The following DAZAP1 variants were observed in gnomAD, a reference collection of about 807,000 sequenced individuals.
DAZAP1 encodes the protein DAZ-associated protein 1.
In DAZAP1, 6 loss-of-function variants were observed where a neutral mutation model predicts 60.1. The observed-to-expected ratio is 0.10, with a 90% CI of 0.05 to 0.20. The LOEUF (loss-of-function observed/expected upper bound fraction) is 0.20. Ranked by LOEUF, DAZAP1 falls within the 10% of genes least tolerant of loss-of-function variation. DAZAP1 has a pLI of 1.00. For missense variants in DAZAP1, 366 were observed against 560.4 expected (o/e 0.65, Z 3.50); for synonymous variants, 235 against 215.9 (o/e 1.09, Z -0.78).
At position 1,428,541 on chromosome 19, in the gene DAZAP1, C is replaced by T. The variant is rs1466723251; in HGVS notation, c.547-301C>T. 3 of 302,672 alleles carry T rather than the reference C, an allele frequency of 9.9e-6. No homozygotes were observed. Among genetic ancestry groups the T allele is most frequent in the East Asian group, 1.4e-4 (2 of 14,150 alleles). 18.7% of individuals were successfully genotyped at this position (302,672 alleles called of 1,614,324 possible). On this transcript the variant is annotated intron_variant, in intron 7 of 11. Transcript: ENST00000233078. The surrounding 1 kb of genome is among the most constrained non-coding windows in gnomAD (Gnocchi z 4.0). ...CATTTTACTTGAGTGAAAGACCCTT[C>T]GTCACGCACGAAACCCCCGAGGGCT...
chr19:1,428,696 C>G lies in DAZAP1; in HGVS notation c.547-146C>G. Reference sequence around the variant, plus strand: ...AGAATTTTTTAAGAAAAAAATGCTACTGGCCTAAATAAGGTTTATAGTTAA... The same window carrying G: ...AGAATTTTTTAAGAAAAAAATGCTAGTGGCCTAAATAAGGTTTATAGTTAA... On this transcript the variant is annotated intron_variant, in intron 7 of 11. Transcript: ENST00000233078. The surrounding 1 kb of genome is among the most constrained non-coding windows in gnomAD (Gnocchi z 4.0). 1.0e-6 allele frequency: 1 copy of G among 984,208 alleles called. No individual in the cohort carries two copies. Among genetic ancestry groups the G allele is most frequent in the South Asian group, 1.8e-5 (1 of 55,216 alleles). The allele number at this position is 984,208 out of a possible 1,614,324, so 61.0% of individuals were successfully genotyped here.
intron 1 of DAZAP1, among the ~76,000 whole-genome samples, chr19:1,414,055 G>A (rs1261716245): frequency 6.9e-6 from 1 of 144,262 alleles, no homozygotes; most frequent in East Asian, 2.1e-4. Flanking sequence ...TCACTCTGTC[G>A]CCCAGGCTGG....
At position 1,422,494 on chromosome 19, in the gene DAZAP1, C is replaced by A; in HGVS notation, c.463+98C>A. The A allele has an allele frequency of 1.7e-6, 2 of 1,152,190 alleles. No individual in the cohort carries two copies. The highest frequency in any genetic ancestry group is 1.3e-6 in the Non-Finnish European group (1 of 777,642). 71.4% of individuals were successfully genotyped at this position (1,152,190 alleles called of 1,614,324 possible). A position where few individuals can be genotyped will look rare whatever the true frequency, so the allele number is the denominator to read the frequency against. On this transcript the variant is annotated intron_variant, in intron 6 of 11. Coordinates refer to ENST00000233078, the MANE Select transcript of DAZAP1 (RefSeq NM_018959.4). The surrounding 1 kb of genome is among the most constrained non-coding windows in gnomAD (Gnocchi z 4.5). ...AGGCACACACAGGTGGCGGCTGTAG[C>A]AAACAGCCTCAGGAAGGGACGATTT...
Position 1,433,797 on chromosome 19 carries a change from T to TA in DAZAP1, c.1049-939dup. 1 of 1,613,984 alleles carries TA rather than the reference T, an allele frequency of 6.2e-7. No homozygotes were observed. On this transcript the variant is annotated intron_variant, in intron 11 of 11. Coordinates refer to ENST00000233078, the MANE Select transcript of DAZAP1 (RefSeq NM_018959.4). The surrounding 1 kb of genome is among the most constrained non-coding windows in gnomAD (Gnocchi z 6.1). ...GCGGCCCACACTTTGTTTACAGTCT[T>TA]ATGGTCAGGCTGAGCAGTGATGTGG...
At position 1,422,322 on chromosome 19, in the gene DAZAP1, G is replaced by A. The variant is rs186006138; in HGVS notation, c.415-26G>A. The A allele has an allele frequency of 9.4e-5, 152 of 1,612,908 alleles. 1 individual carries two copies. Among genetic ancestry groups the A allele is most frequent in the Admixed American group, 3.7e-4 (22 of 60,006 alleles). ...ACCTGTGGTGCTGGCCCTGGTGTCC[G>A]TGCTGACGCCACCCTCTCCTTCCAG... On this transcript the variant is annotated intron_variant, in intron 5 of 11. Coordinates refer to ENST00000233078, the MANE Select transcript of DAZAP1 (RefSeq NM_018959.4). This position sits in a 1 kb window ranked among gnomAD's most constrained non-coding sequence, Gnocchi z 4.5.
chr19:1,434,081 A>G lies in DAZAP1; in HGVS notation c.1049-656A>G, dbSNP rs2083529924. Reference sequence around the variant, plus strand: ...GGGAGGGGCTTCCTGCAAGGTGTGCAGCGGGGTGGGGAGCGGCGTGAGCAG... The same window carrying G: ...GGGAGGGGCTTCCTGCAAGGTGTGCGGCGGGGTGGGGAGCGGCGTGAGCAG... On this transcript the variant is annotated intron_variant, in intron 11 of 11. Coordinates refer to ENST00000233078, the MANE Select transcript of DAZAP1 (RefSeq NM_018959.4). This position sits in a 1 kb window ranked among gnomAD's most constrained non-coding sequence, Gnocchi z 8.0. 30 of 545,066 alleles carry G rather than the reference A, an allele frequency of 5.5e-5. No individual in the cohort carries two copies. In the South Asian group the frequency reaches 6.2e-4, roughly 11 times the overall value. The allele number at this position is 545,066 out of a possible 1,614,324, so 33.8% of individuals were successfully genotyped here. A position where few individuals can be genotyped will look rare whatever the true frequency, so the allele number is the denominator to read the frequency against.
At chr19:1,424,814 C>T (rs1264200440) in intron 6 of DAZAP1, among the ~76,000 whole-genome samples, 1 of 152,212 alleles carries the variant, frequency 6.6e-6, no homozygotes, top group Non-Finnish European at 1.5e-5. Context: ...CAGCTGTCTG[C>T]CGGGCACTTC....
chr19:1,423,731 C>T lies in DAZAP1; in HGVS notation c.463+1335C>T, dbSNP rs1325433529. On this transcript the variant is annotated intron_variant, in intron 6 of 11. Coordinates refer to ENST00000233078, the MANE Select transcript of DAZAP1 (RefSeq NM_018959.4). This position sits in a 1 kb window ranked among gnomAD's most constrained non-coding sequence, Gnocchi z 6.8. ...TCACCGATGCTGTGTTCCAATACTGCCTCTGATCTTGGGAAACTTGAGCGC... is the reference window on the plus strand; with the variant it reads ...TCACCGATGCTGTGTTCCAATACTGTCTCTGATCTTGGGAAACTTGAGCGC... 6.6e-6 allele frequency among the ~76,000 whole-genome samples: 1 copy of T among 152,254 alleles called. No homozygotes were observed. The highest frequency in any genetic ancestry group is 2.4e-5 in the African/African-American group (1 of 41,466).
rs544311974 is a variant in DAZAP1, at chr19:1,426,061, C to T, written c.546+101C>T. On this transcript the variant is annotated intron_variant, in intron 7 of 11. Coordinates refer to ENST00000233078, the MANE Select transcript of DAZAP1 (RefSeq NM_018959.4). The surrounding 1 kb of genome is among the most constrained non-coding windows in gnomAD (Gnocchi z 5.4). ...ACATTCCTTCACGGAAAGGGTCGGG[C>T]GAGTTCGTCCTGTGAACCTTTGCTG... The T allele has an allele frequency of 7.3e-5, 65 of 892,548 alleles. No homozygotes were observed. The highest frequency in any genetic ancestry group is 1.7e-5 in the Admixed American group (1 of 57,982). 55.3% of individuals were successfully genotyped at this position (892,548 alleles called of 1,614,324 possible). A position where few individuals can be genotyped will look rare whatever the true frequency, so the allele number is the denominator to read the frequency against.
At chr19:1,412,923 C>A (rs987441754) in intron 1 of DAZAP1, among the ~76,000 whole-genome samples, 3 of 152,188 alleles carry the variant, frequency 2.0e-5, no homozygotes, top group African/African-American at 7.2e-5. Context: ...GAGCTCGTCC[C>A]ACGCCTCCCC....
intron 1 of DAZAP1, among the ~76,000 whole-genome samples, chr19:1,410,848 C>T (rs1012355083): frequency 3.9e-5 from 6 of 152,164 alleles, no homozygotes; most frequent in African/African-American, 1.4e-4. Context: ...ACAGGGACAC[C>T]TGGAAATATT....
chr19:1,417,202 G>A, intron 1 of DAZAP1: 1 of 466,248 alleles, frequency 2.1e-6, no homozygotes, highest in Non-Finnish European at 3.8e-6. Context: ...AGGTGAGCGT[G>A]GTGCCGTCAC....
intron 6 of DAZAP1, among the ~76,000 whole-genome samples, chr19:1,424,665 T>G (rs2083261644): frequency 1.3e-5 from 2 of 152,032 alleles, no homozygotes; most frequent in Non-Finnish European, 2.9e-5. Context: ...GCCGCGCTCG[T>G]TCACGCCTCA....
At chr19:1,415,546 G>A (rs866109508) in intron 1 of DAZAP1, among the ~76,000 whole-genome samples, 4 of 151,968 alleles carry the variant, frequency 2.6e-5, no homozygotes, top group Admixed American at 2.0e-4. Flanking sequence ...GGGCCCTGCT[G>A]GCAGGGATGT....
chr19:1,431,519 T>C (rs2083452161), intron 10 of DAZAP1, among the ~76,000 whole-genome samples: 1 of 151,958 alleles, frequency 6.6e-6, no homozygotes, highest in Admixed American at 6.6e-5. Flanking sequence ...AACCTCTGCC[T>C]CCTGGGTTCA....
chr19:1,429,052 G>A lies in DAZAP1; in HGVS notation c.700+57G>A, dbSNP rs960671889. On this transcript the variant is annotated intron_variant, in intron 8 of 11. Transcript: ENST00000233078. ...GTCCCCCTTCTCGGACTTGGCCCGC[G>A]CGCCCTGGGCTGTGCCGTCGCTGCG... 2.1e-5 allele frequency: 31 copies of A among 1,500,902 alleles called. No homozygotes were observed. In the East Asian group the frequency reaches 2.4e-4, roughly 12 times the overall value. The allele number at this position is 1,500,902 out of a possible 1,614,324, so 93.0% of individuals were successfully genotyped here.
At chr19:1,427,516 G>A (rs1330675688) in intron 7 of DAZAP1, 2 of 152,264 alleles carry the variant, frequency 1.3e-5, no homozygotes, top group African/African-American at 4.8e-5. Context: ...GGTACCGCGT[G>A]GTAGTTAACC....
At position 1,430,254 on chromosome 19, in the gene DAZAP1, G is replaced by GGGCCCCCCCCCCCCCCCCCCC; in HGVS notation, c.763_764insGGCCCCCCCCCCCCCCCCCCC (p.Ala255delinsGlyProProProProProProPro). 1 of 1,295,270 alleles carries GGGCCCCCCCCCCCCCCCCCCC rather than the reference G, an allele frequency of 7.7e-7. No individual in the cohort carries two copies. Among genetic ancestry groups the GGGCCCCCCCCCCCCCCCCCCC allele is most frequent in the Non-Finnish European group, 1.1e-6 (1 of 924,078 alleles). The allele number at this position is 1,295,270 out of a possible 1,614,324, so 80.2% of individuals were successfully genotyped here. A position where few individuals can be genotyped will look rare whatever the true frequency, so the allele number is the denominator to read the frequency against. On this transcript the variant is annotated protein_altering_variant, in exon 10 of 12. Coordinates refer to ENST00000233078, the MANE Select transcript of DAZAP1 (RefSeq NM_018959.4). The stretch of plus-strand genomic sequence containing the variant: ...TGGACCGCCCCCTGCAGGAAGAGGA[G>GGGCCCCCCCCCCCCCCCCCCC]CCCCCCCGCCACCCCCACCGTTCAC...
At position 1,432,636 on chromosome 19, in the gene DAZAP1, C is replaced by G; in HGVS notation, c.994C>G (p.Pro332Ala). The change falls in exon 11 of 12, where the codon CCG becomes GCG. Residue 332 changes from proline (P) to alanine (A), a missense_variant. This residue lies in a region of DAZAP1 where 240 missense variants were observed against 308.8 expected (regional missense o/e 0.78). Transcript: ENST00000233078. The surrounding 1 kb of genome is among the most constrained non-coding windows in gnomAD (Gnocchi z 4.9). ...CCCACCGCCTCCGTCTCAGGCTGCCCCGGACATGAGCAAGCCCCCGACAGC... is the reference window on the plus strand; with the variant it reads ...CCCACCGCCTCCGTCTCAGGCTGCCGCGGACATGAGCAAGCCCCCGACAGC... ...AFPPPPSQAA[P>A]DMSKPPTAQP... The G allele has an allele frequency of 6.2e-7, 1 of 1,613,428 alleles. No individual in the cohort carries two copies. The highest frequency in any genetic ancestry group is 8.5e-7 in the Non-Finnish European group (1 of 1,179,876).
Sources: allele counts gnomAD v4.1 joint callset (sites outside exome capture counted in the v4.1 genomes callset), GRCh38; gene constraint gnomAD v4.1.1; regional missense constraint gnomAD v4.1.1; non-coding constraint Gnocchi (gnomAD v3.1); transcripts MANE v1.5; gene names NCBI Gene and HGNC (gene_info 2026-07-23, HGNC 2026-07-21).